DCC: variants seen among roughly 807,000 people sequenced by gnomAD.
The protein encoded by DCC is netrin receptor DCC.
DCC carries 58 observed loss-of-function variants against 172.5 expected under a neutral mutation model. That is an observed-to-expected ratio of 0.34 (90% confidence interval 0.27 to 0.42). DCC has a LOEUF of 0.42. Among genes scored for constraint, DCC ranks in the 10% least tolerant of loss-of-function variants. The pLI is 1.00. For synonymous variants in DCC, 709 were observed against 644.5 expected (o/e 1.10, Z -1.52); for missense variants, 1,740 against 1,791.0 (o/e 0.97, Z 0.51).
intron 13 of DCC, among the ~76,000 whole-genome samples, chr18:53,312,209 C>T (rs1420475518): frequency 7.3e-6 from 1 of 137,096 alleles, no homozygotes; most frequent in Non-Finnish European, 1.6e-5. Flanking sequence ...GTGGTGGTGG[C>T]GGGCGTCTGT....
At chr18:52,570,422 G>T (rs1298716576) in intron 1 of DCC, among the ~76,000 whole-genome samples, 1 of 152,106 alleles carries the variant, frequency 6.6e-6, no homozygotes, top group Non-Finnish European at 1.5e-5. Flanking sequence ...GGGTTTGTTG[G>T]TTTTGCATGA....
chr18:52,358,416 C>T (rs1218196238), intron 1 of DCC, among the ~76,000 whole-genome samples: 1 of 152,186 alleles, frequency 6.6e-6, no homozygotes, highest in Non-Finnish European at 1.5e-5. Flanking sequence ...ACAAGATATT[C>T]CGCCTTTTTT....
intron 27 of DCC, among the ~76,000 whole-genome samples, chr18:53,504,455 A>G (rs1214102883): frequency 6.6e-6 from 1 of 152,210 alleles, no homozygotes; most frequent in Admixed American, 6.5e-5. Flanking sequence ...CTTCCAATCA[A>G]TGCTATAGTG....
At chr18:52,690,027 T>C (rs1249228464) in intron 1 of DCC, among the ~76,000 whole-genome samples, 1 of 152,172 alleles carries the variant, frequency 6.6e-6, no homozygotes, top group Non-Finnish European at 1.5e-5. Flanking sequence ...GTCAGTCAGC[T>C]GAAGTTGAGA....
chr18:53,351,497 A>G lies in DCC; in HGVS notation c.2359+11590A>G, dbSNP rs56158340. Among the ~76,000 whole-genome samples, 25 of 28,888 alleles carry G rather than the reference A, an allele frequency of 8.7e-4. 2 individuals are homozygous for G. Among genetic ancestry groups the G allele is most frequent in the East Asian group, 1.8e-3 (4 of 2,208 alleles). The allele number at this position is 28,888 out of a possible 152,430, so 19.0% of individuals were successfully genotyped here. On this transcript the variant is annotated intron_variant, in intron 15 of 28. Coordinates refer to ENST00000442544, the MANE Select transcript of DCC (RefSeq NM_005215.4). Reference sequence around the variant, plus strand: ...ATATATATATATATATATAGTGTGTATATATATATATATATAATTGGAATA... The same window carrying G: ...ATATATATATATATATATAGTGTGTGTATATATATATATATAATTGGAATA...
At chr18:52,852,348 A>G (rs1445923882) in intron 2 of DCC, among the ~76,000 whole-genome samples, 1 of 152,166 alleles carries the variant, frequency 6.6e-6, no homozygotes, top group Non-Finnish European at 1.5e-5. Flanking sequence ...TTAAAGGTTT[A>G]CTTTAAAAAG....
At chr18:52,725,059 C>A (rs993452270) in intron 1 of DCC, among the ~76,000 whole-genome samples, 4 of 152,234 alleles carry the variant, frequency 2.6e-5, no homozygotes, top group African/African-American at 9.6e-5. Flanking sequence ...AAGGCATTCC[C>A]TGTAGGCAGC....
chr18:52,717,585 A>G (rs2036405764), intron 1 of DCC, among the ~76,000 whole-genome samples: 1 of 152,002 alleles, frequency 6.6e-6, no homozygotes, highest in South Asian at 2.1e-4. Flanking sequence ...TCATCCAGAG[A>G]GTACAGGTGG....
chr18:52,427,815 TCTTCCTTCCTTCCTTCCTTTCTTCCTTC>T (rs767996658), intron 1 of DCC, among the ~76,000 whole-genome samples: 9,356 of 112,966 alleles, frequency 0.083, 616 homozygotes, highest in Admixed American at 0.15. Flanking sequence ...TTTCTTCCTT[TCTTCCTTCCTTCCTTCCTTTCTTCCTTC>T]CTTCCTTCCT....
At chr18:52,989,702 G>C (rs1368605926) in intron 5 of DCC, among the ~76,000 whole-genome samples, 2 of 152,068 alleles carry the variant, frequency 1.3e-5, no homozygotes, top group Non-Finnish European at 2.9e-5. Context: ...CCCTTCCCTG[G>C]CAAGTCAGGT....
At chr18:52,544,395 T>C (rs1357895528) in intron 1 of DCC, among the ~76,000 whole-genome samples, 2 of 152,110 alleles carry the variant, frequency 1.3e-5, no homozygotes, top group African/African-American at 4.8e-5. Flanking sequence ...TTTAATGTCA[T>C]CCCCATTGGC....
chr18:53,038,539 G>T (rs1354486209), intron 5 of DCC, among the ~76,000 whole-genome samples: 2 of 151,976 alleles, frequency 1.3e-5, no homozygotes, highest in Non-Finnish European at 2.9e-5. Context: ...TAAGGTAGAA[G>T]CTCCGCAGAA....
intron 2 of DCC, among the ~76,000 whole-genome samples, chr18:52,844,203 A>C (rs2145324671): frequency 6.6e-6 from 1 of 152,272 alleles, no homozygotes; most frequent in East Asian, 1.9e-4. Flanking sequence ...CTCCATATCT[A>C]CTGTGCCCAA....
At chr18:52,974,039 A>G (rs879885245) in intron 5 of DCC, among the ~76,000 whole-genome samples, 1 of 152,166 alleles carries the variant, frequency 6.6e-6, no homozygotes, top group Non-Finnish European at 1.5e-5. Context: ...TTGTTAGTGT[A>G]TTAGAACTTT....
Position 53,339,692 on chromosome 18 carries a change from A to G in DCC, c.2165-21A>G, listed in dbSNP as rs183367070. On this transcript the variant is annotated intron_variant, in intron 14 of 28. Coordinates refer to ENST00000442544, the MANE Select transcript of DCC (RefSeq NM_005215.4). ...TTTTCTGTTATGAGACATGCTGATG[A>G]TGCCTCTTTTTGAATGCTAGAATCT... is the stretch of plus-strand genomic sequence containing the variant. 8.7e-6 allele frequency: 14 copies of G among 1,602,926 alleles called. No homozygotes were observed. In the East Asian group the frequency reaches 3.1e-4, roughly 36 times the overall value.
chr18:53,175,809 C>G (rs1317079148), intron 8 of DCC, among the ~76,000 whole-genome samples: 2 of 151,552 alleles, frequency 1.3e-5, no homozygotes, highest in Non-Finnish European at 3.0e-5. Flanking sequence ...CCTTTCTTCA[C>G]AGAATTGGAA....
intron 22 of DCC, among the ~76,000 whole-genome samples, chr18:53,436,450 C>G (rs1446253931): frequency 6.6e-6 from 1 of 152,126 alleles, no homozygotes; most frequent in East Asian, 1.9e-4. Context: ...AAATTCCAAT[C>G]TAAAAATAGT....
intron 7 of DCC, among the ~76,000 whole-genome samples, chr18:53,099,822 G>A (rs979571984): frequency 2.4e-4 from 36 of 152,010 alleles, no homozygotes; most frequent in Non-Finnish European, 1.5e-5. Context: ...TTCTAAATAA[G>A]AGTTGTCAAC....
intron 7 of DCC, among the ~76,000 whole-genome samples, chr18:53,109,746 T>C (rs1480687903): frequency 6.6e-6 from 1 of 151,692 alleles, no homozygotes; most frequent in Non-Finnish European, 1.5e-5. Flanking sequence ...ATCTAGTAAG[T>C]AGAGGCCAGA....
Sources: gnomAD v4.1 joint callset for allele counts (sites outside exome capture counted in the v4.1 genomes callset) on GRCh38, gnomAD v4.1.1 for gene constraint, MANE v1.5 for transcripts, NCBI Gene and HGNC (gene_info 2026-07-23, HGNC 2026-07-21) for gene names.